EXOG: variants seen among roughly 807,000 people sequenced by gnomAD.
EXOG encodes the protein exo/endonuclease G.
In EXOG, 27 loss-of-function variants were observed where a neutral mutation model predicts 25.8. That is an observed-to-expected ratio of 1.05 (90% CI 0.77 to 1.45). The LOEUF (loss-of-function observed/expected upper bound fraction) is 1.45, where lower values mean the gene tolerates loss of function less well. EXOG is among the 40% of genes most tolerant of loss of function. The probability of loss-of-function intolerance (pLI) is 0.00; values close to 1 mark genes in which losing one functional copy is unlikely to be tolerated. For missense variants in EXOG, 458 were observed against 450.5 expected (o/e 1.02, Z -0.15); for synonymous variants, 133 against 167.0 (o/e 0.80, Z 1.57).
At chr3:38,496,742 C>T (rs1251007751) in intron 1 of EXOG, 2 of 1,444,500 alleles carry the variant, frequency 1.4e-6, no homozygotes, top group Non-Finnish European at 1.8e-6. Context: ...TTCCCCCGGG[C>T]ATCTTCGTTT....
At chr3:38,499,012 A>T (rs1273030900) in intron 2 of EXOG, 1 of 456,268 alleles carries the variant, frequency 2.2e-6, no homozygotes, top group Non-Finnish European at 4.4e-6. Flanking sequence ...GAGCTTTACC[A>T]ATTTAATGCT....
intron 2 of EXOG, chr3:38,498,969 C>G (rs2059971507): frequency 6.6e-6 from 3 of 456,576 alleles, no homozygotes; most frequent in Non-Finnish European, 1.3e-5. Context: ...TGTTTCTTCT[C>G]TCTCTCAACC....
chr3:38,499,169 C>CTTTT (rs1322082213), intron 2 of EXOG, among the ~76,000 whole-genome samples: 1 of 152,038 alleles, frequency 6.6e-6, no homozygotes, highest in East Asian at 1.9e-4. Flanking sequence ...AGGATATTAC[C>CTTTT]TTTTGTCACA....
intron 2 of EXOG, chr3:38,498,068 T>G: frequency 3.2e-6 from 1 of 309,510 alleles, no homozygotes; most frequent in Non-Finnish European, 5.9e-6. Flanking sequence ...AACAAATATT[T>G]ATGTGCCTGC....
rs2060858091 is a variant in EXOG at position 38,525,925 on chromosome 3, C to T, written c.*1563C>T. ...TGCCACTGGACGCCAGCCTGGGCCA[C>T]AGAGGGAGACCCTGTCTCAAAAAAA... is the stretch of plus-strand genomic sequence containing the variant. On this transcript the variant is annotated 3_prime_UTR_variant, in exon 6 of 6. Coordinates refer to ENST00000287675, the MANE Select transcript of EXOG (RefSeq NM_005107.4). 1 of 955,830 alleles carries T rather than the reference C, an allele frequency of 1.0e-6. No homozygotes were observed. The highest frequency in any genetic ancestry group is 6.2e-5 in the Admixed American group (1 of 16,222). The allele number at this position is 955,830 out of a possible 1,614,324, so 59.2% of individuals were successfully genotyped here. A position where few individuals can be genotyped will look rare whatever the true frequency, so the allele number is the denominator to read the frequency against.
At chr3:38,498,580 G>A (rs1031126558) in intron 2 of EXOG, among the ~76,000 whole-genome samples, 3 of 151,884 alleles carry the variant, frequency 2.0e-5, no homozygotes, top group African/African-American at 4.8e-5. Context: ...TGTGATGAGA[G>A]ATTATAACAC....
chr3:38,522,408 TACC>T (rs1161844545), intron 5 of EXOG, among the ~76,000 whole-genome samples: 2 of 152,258 alleles, frequency 1.3e-5, no homozygotes, highest in Admixed American at 6.5e-5. Flanking sequence ...GGGGCAGTAA[TACC>T]AATGAGCATG....
rs560667106 is a variant in EXOG at position 38,497,646 on chromosome 3, G to A, written c.181G>A (p.Val61Ile). ...KQPDGSAEKA[V>I]LEQFGFPLTG... ...ATTTTTAGGATCTGCAGAAAAGGCT[G>A]TCTTGGAACAATTTGGATTCCCTTT... Residue 61 changes from valine (V) to isoleucine (I), a missense_variant, in exon 2 of 6, where the codon GTC (valine) becomes ATC (isoleucine). Val to Ile is a conservative substitution (Grantham distance 29). This residue lies in a region of EXOG where 275 missense variants were observed against 230.5 expected (regional missense o/e 1.19). Coordinates refer to ENST00000287675, the MANE Select transcript of EXOG (RefSeq NM_005107.4). 4 of 1,566,898 alleles carry A rather than the reference G, an allele frequency of 2.6e-6. No individual in the cohort carries two copies. The highest frequency in any genetic ancestry group is 1.4e-5 in the African/African-American group (1 of 70,602).
At chr3:38,518,379 T>A (rs1276590192) in intron 5 of EXOG, among the ~76,000 whole-genome samples, 1 of 152,086 alleles carries the variant, frequency 6.6e-6, no homozygotes, top group Non-Finnish European at 1.5e-5. Context: ...ATAAAACAAA[T>A]ATAGATAAAA....
At chr3:38,501,232 G>C (rs2060034097) in intron 2 of EXOG, 123 bp from the exon 3 acceptor site, 1 of 727,056 alleles carries the variant, frequency 1.4e-6, no homozygotes, top group Non-Finnish European at 2.4e-6. Context: ...AGACATGCAT[G>C]CAATCCCTAA....
chr3:38,521,647 T>C (rs1277326204), intron 5 of EXOG, among the ~76,000 whole-genome samples: 2 of 152,214 alleles, frequency 1.3e-5, no homozygotes, highest in Non-Finnish European at 2.9e-5. Flanking sequence ...TTGAAGCCCC[T>C]TTCACCTTCT....
At chr3:38,501,128 T>C (rs904778482) in intron 2 of EXOG, 4 of 376,484 alleles carry the variant, frequency 1.1e-5, no homozygotes, top group East Asian at 4.1e-5. Flanking sequence ...AGAGTCAAAA[T>C]TATATGAGAT....
In EXOG at chr3:38,524,689, A is replaced by ACC; in HGVS notation, c.*327_*328insCC. On this transcript the variant is annotated 3_prime_UTR_variant, in exon 6 of 6. Coordinates refer to ENST00000287675, the MANE Select transcript of EXOG (RefSeq NM_005107.4). ...TGACTAAAAATTCCCCCAAAAGATG[A>ACC]AAGATCTACAATGTTTTTGTCAGTA... 9.8e-7 allele frequency: 1 copy of ACC among 1,022,260 alleles called. No homozygotes were observed. Among genetic ancestry groups the ACC allele is most frequent in the East Asian group, 8.8e-5 (1 of 11,404 alleles). The allele number at this position is 1,022,260 out of a possible 1,614,324, so 63.3% of individuals were successfully genotyped here.
intron 1 of EXOG, chr3:38,496,920 T>A: frequency 8.8e-7 from 1 of 1,142,786 alleles, no homozygotes. Flanking sequence ...TGGTACATAA[T>A]TGGCATTCAG....
chr3:38,524,383 A>G lies in EXOG; in HGVS notation c.*21A>G. Reference sequence around the variant, plus strand: ...CCTAGTTTTTATCTCAAGATGTGTCATACCGTCTGTAATGAAGCAGGCATG... The same window carrying G: ...CCTAGTTTTTATCTCAAGATGTGTCGTACCGTCTGTAATGAAGCAGGCATG... On this transcript the variant is annotated 3_prime_UTR_variant, in exon 6 of 6. Coordinates refer to ENST00000287675, the MANE Select transcript of EXOG (RefSeq NM_005107.4). The G allele has an allele frequency of 6.3e-7, 1 of 1,574,866 alleles. No homozygotes were observed. Among genetic ancestry groups the G allele is most frequent in the Non-Finnish European group, 8.6e-7 (1 of 1,164,012 alleles).
chr3:38,525,448 T>G lies in EXOG; in HGVS notation c.*1086T>G. On this transcript the variant is annotated 3_prime_UTR_variant, in exon 6 of 6. Transcript: ENST00000287675. Reference sequence around the variant, plus strand: ...GCTATGCAAGCCAAAGGGACTTTAATGTTCTTTGAATTGAACCCTCCTTAG... The same window carrying G: ...GCTATGCAAGCCAAAGGGACTTTAAGGTTCTTTGAATTGAACCCTCCTTAG... 1 of 985,396 alleles carries G rather than the reference T, an allele frequency of 1.0e-6. No individual in the cohort carries two copies. The highest frequency in any genetic ancestry group is 1.2e-6 in the Non-Finnish European group (1 of 829,874). The allele number at this position is 985,396 out of a possible 1,614,324, so 61.0% of individuals were successfully genotyped here.
At chr3:38,501,107 C>A in intron 2 of EXOG, 1 of 332,238 alleles carries the variant, frequency 3.0e-6, no homozygotes, top group Non-Finnish European at 5.4e-6. Context: ...TTTTCTTTAA[C>A]TGGAAAGGCC....
rs148269910 is a variant in EXOG, at chr3:38,525,690, C to T, written c.*1328C>T. Reference sequence around the variant, plus strand: ...AGGCATGGTGGCTCAGGCCTATAATCTCAGCACTTTGGGAAATCGAGGTGG... The same window carrying T: ...AGGCATGGTGGCTCAGGCCTATAATTTCAGCACTTTGGGAAATCGAGGTGG... On this transcript the variant is annotated 3_prime_UTR_variant, in exon 6 of 6. Coordinates refer to ENST00000287675, the MANE Select transcript of EXOG (RefSeq NM_005107.4). 4.2e-6 allele frequency: 4 copies of T among 949,172 alleles called. No homozygotes were observed. In the African/African-American group the frequency reaches 7.1e-5, roughly 17 times the overall value. The allele number at this position is 949,172 out of a possible 1,614,324, so 58.8% of individuals were successfully genotyped here. A position where few individuals can be genotyped will look rare whatever the true frequency, so the allele number is the denominator to read the frequency against.
Position 38,501,497 on chromosome 3 carries a change from A to G in EXOG, c.453+3A>G. ...CAGGAAATAACAAATTTTCAAGTGT[A>G]GGCATACTTTGGGGGAGGGATGGGA... On this transcript the variant is annotated splice_donor_region_variant and intron_variant, in intron 3 of 5. Transcript: ENST00000287675. 1 of 1,613,830 alleles carries G rather than the reference A, an allele frequency of 6.2e-7. No individual in the cohort carries two copies. The highest frequency in any genetic ancestry group is 8.5e-7 in the Non-Finnish European group (1 of 1,179,708).
Sources: gnomAD v4.1 joint callset for allele counts (sites outside exome capture counted in the v4.1 genomes callset) on GRCh38, gnomAD v4.1.1 for gene constraint, gnomAD v4.1.1 regional missense constraint, MANE v1.5 for transcripts, NCBI Gene and HGNC (gene_info 2026-07-23, HGNC 2026-07-21) for gene names.